Variants in EPM2A observed in about 807,000 individuals in gnomAD.
The protein encoded by EPM2A is EPM2A glucan phosphatase, laforin, also known as laforin.
Under a neutral mutation model 26.5 loss-of-function variants are expected in EPM2A, and 21 were observed. That is an observed-to-expected ratio of 0.79 (90% confidence interval 0.56 to 1.14). EPM2A has a LOEUF of 1.14. Ranked by LOEUF, EPM2A falls within the 50% of genes most tolerant of loss-of-function variation. The probability of loss-of-function intolerance (pLI) is 0.00; values close to 1 mark genes in which losing one functional copy is unlikely to be tolerated. For synonymous variants in EPM2A, 217 were observed against 177.6 expected, an observed-to-expected ratio of 1.22 and a Z score of -1.76; for missense variants, 458 against 440.8, an observed-to-expected ratio of 1.04 and a Z score of -0.35.
Position 145,443,502 on chromosome 6 carries a change from G to A in EPM2A, c.555+59020C>T, listed in dbSNP as rs1779093947. On this transcript the variant is annotated intron_variant, in intron 4 of 4. Coordinates refer to the EPM2A transcript ENST00000638717. ...ATTCTTTTTGTGGCAATTGTGAATA[G>A]GATTGTGTTCTTGATTTGGCTCTCA... 2.6e-5 allele frequency among the ~76,000 whole-genome samples: 4 copies of A among 152,256 alleles called. No homozygotes were observed. In the South Asian group the frequency reaches 8.3e-4, roughly 32 times the overall value.
chr6:145,449,156 G>A (rs1779166091), intron 4 of EPM2A, among the ~76,000 whole-genome samples: 1 of 152,128 alleles, frequency 6.6e-6, no homozygotes, highest in Non-Finnish European at 1.5e-5. Context: ...TACGTTAACT[G>A]GTATTATGCT....
chr6:145,608,538 G>A (rs1775318147), intron 2 of EPM2A, among the ~76,000 whole-genome samples: 2 of 151,954 alleles, frequency 1.3e-5, no homozygotes, highest in South Asian at 4.2e-4. Flanking sequence ...CAAGATCCCG[G>A]TAAATGAGAA....
chr6:145,674,992 C>T (rs1257997143), intron 2 of EPM2A, among the ~76,000 whole-genome samples: 1 of 152,022 alleles, frequency 6.6e-6, no homozygotes, highest in African/African-American at 2.4e-5. Context: ...GTCAGATTCA[C>T]CAAGGTTAAA....
At chr6:145,591,583 A>C (rs573816825) in intron 2 of EPM2A, among the ~76,000 whole-genome samples, 4 of 152,272 alleles carry the variant, frequency 2.6e-5, no homozygotes, top group African/African-American at 9.6e-5. Flanking sequence ...CCAACTTAGA[A>C]CTCTACATTC....
intron 2 of EPM2A, among the ~76,000 whole-genome samples, chr6:145,537,286 C>T (rs1780444796): frequency 6.6e-6 from 1 of 152,182 alleles, no homozygotes; most frequent in African/African-American, 2.4e-5. Context: ...TATATGGTCT[C>T]TCCATTGTCA....
chr6:145,639,958 C>A (rs1776967922), intron 2 of EPM2A: 1 of 152,048 alleles, frequency 6.6e-6, no homozygotes, highest in South Asian at 2.1e-4. Flanking sequence ...AGCTAAAGAC[C>A]AGGGGAAAGA....
intron 2 of EPM2A, among the ~76,000 whole-genome samples, chr6:145,581,539 T>C (rs1781113531): frequency 6.6e-6 from 1 of 152,178 alleles, no homozygotes; most frequent in South Asian, 2.1e-4. Flanking sequence ...TTTGCAATTG[T>C]TTTTGGCATC....
downstream of EPM2A, among the ~76,000 whole-genome samples, chr6:145,501,334 A>T (rs1303571354): frequency 6.6e-6 from 1 of 152,238 alleles, no homozygotes; most frequent in Admixed American, 6.5e-5. Context: ...AGAATGTTGT[A>T]TAAAATACAA....
At chr6:145,669,734 G>A (rs1481782004) in intron 2 of EPM2A, among the ~76,000 whole-genome samples, 1 of 152,110 alleles carries the variant, frequency 6.6e-6, no homozygotes, top group Non-Finnish European at 1.5e-5. Context: ...AAAATATTCT[G>A]TCTTCTGTAT....
chr6:145,620,932 C>A (rs1156526751), downstream of EPM2A, among the ~76,000 whole-genome samples: 2 of 152,126 alleles, frequency 1.3e-5, no homozygotes, highest in African/African-American at 4.8e-5. Context: ...ATCTCATATA[C>A]CTCCCTTTTT....
intron 2 of EPM2A, among the ~76,000 whole-genome samples, chr6:145,514,906 A>G (rs894340191): frequency 6.6e-6 from 1 of 152,160 alleles, no homozygotes; most frequent in Non-Finnish European, 1.5e-5. Context: ...ATCTACTCCT[A>G]CCTATGTCAC....
intron 4 of EPM2A, among the ~76,000 whole-genome samples, chr6:145,474,131 C>T (rs946435247): frequency 6.6e-6 from 1 of 151,998 alleles, no homozygotes; most frequent in Non-Finnish European, 1.5e-5. Context: ...ATAGTTAGTA[C>T]AATAAGATAT....
At chr6:145,697,961 T>C (rs1027732929) in intron 1 of EPM2A, among the ~76,000 whole-genome samples, 10 of 152,152 alleles carry the variant, frequency 6.6e-5, no homozygotes, top group African/African-American at 2.2e-4. Context: ...AAGACAGGCA[T>C]AGGAAATCAC....
intron 1 of EPM2A, among the ~76,000 whole-genome samples, chr6:145,690,292 T>C (rs1021505312): frequency 1.3e-5 from 2 of 151,746 alleles, no homozygotes; most frequent in Non-Finnish European, 2.9e-5. Flanking sequence ...GGGTGGATCA[T>C]GAGGTCAGGA....
chr6:145,421,648 G>A (rs887836767), intron 4 of EPM2A, among the ~76,000 whole-genome samples: 3 of 151,796 alleles, frequency 2.0e-5, no homozygotes, highest in Non-Finnish European at 4.4e-5. Flanking sequence ...ACTTAAATAA[G>A]ATGGTAGAAA....
chr6:145,515,206 A>G lies in EPM2A; in HGVS notation c.341-12631T>C, dbSNP rs1780108679. On this transcript the variant is annotated intron_variant, in intron 2 of 3. Transcript: ENST00000450221. ...ACAAACATCCTTGGTAATGACTACA[A>G]CTTATCATGACGTCTCTAGAACTGA... Among the ~76,000 whole-genome samples the G allele has an allele frequency of 2.0e-5, 3 of 152,304 alleles. No individual in the cohort carries two copies. The South Asian group carries it at 6.2e-4, about 32-fold the overall frequency.
At chr6:145,523,512 T>G (rs1225182516) in intron 2 of EPM2A, among the ~76,000 whole-genome samples, 1 of 152,172 alleles carries the variant, frequency 6.6e-6, no homozygotes, top group Non-Finnish European at 1.5e-5. Context: ...TGACCTGAGA[T>G]CAGTGATCTT....
intron 4 of EPM2A, among the ~76,000 whole-genome samples, chr6:145,483,147 C>T (rs1582790118): frequency 6.6e-6 from 1 of 150,414 alleles, no homozygotes; most frequent in Admixed American, 6.7e-5. Flanking sequence ...TTTTAAAAAT[C>T]AAAACAGTGT....
chr6:145,561,904 T>C (rs1265941190), intron 2 of EPM2A, among the ~76,000 whole-genome samples: 3 of 151,730 alleles, frequency 2.0e-5, no homozygotes, highest in Non-Finnish European at 4.4e-5. Context: ...AGTCGGTGGG[T>C]GGAGGGCAAG....
Sources: allele counts gnomAD v4.1 joint callset (sites outside exome capture counted in the v4.1 genomes callset), GRCh38; gene constraint gnomAD v4.1.1; transcripts MANE v1.5; gene names NCBI Gene and HGNC (gene_info 2026-07-23, HGNC 2026-07-21).